The following CEP44 variants were observed in gnomAD, a reference collection of about 807,000 sequenced individuals.
The protein encoded by CEP44 is centrosomal protein of 44 kDa.
CEP44 carries 45 observed loss-of-function variants against 46.7 expected under a neutral mutation model. The ratio of observed to expected loss-of-function variants is 0.96; its 90% CI spans 0.76 to 1.24. The LOEUF is 1.24. CEP44 is among the 50% of genes most tolerant of loss of function. CEP44 has a pLI of 0.00. For synonymous variants in CEP44, 142 were observed against 146.0 expected (o/e 0.97, Z 0.20); for missense variants, 475 against 459.7 (o/e 1.03, Z -0.30).
At chr4:174,305,187 C>T (rs1740239625) in intron 6 of CEP44, among the ~76,000 whole-genome samples, 1 of 152,204 alleles carries the variant, frequency 6.6e-6, no homozygotes, top group Non-Finnish European at 1.5e-5. Flanking sequence ...AGCACAGTAG[C>T]TCATGCCTGT....
At chr4:174,316,386 G>A (rs1444820800) in intron 10 of CEP44, 96 bp downstream of exon 10, 149 of 1,397,908 alleles carry the variant, frequency 1.1e-4, no homozygotes, top group South Asian at 2.4e-5. Context: ...AATAGCAAAC[G>A]CGAATCTTAG....
Position 174,311,547 on chromosome 4 carries a change from T to C in CEP44, c.961+689T>C, listed in dbSNP as rs1334387354. Among the ~76,000 whole-genome samples the C allele has an allele frequency of 6.6e-6, 1 of 152,134 alleles. No homozygotes were observed. Among genetic ancestry groups the C allele is most frequent in the East Asian group, 1.9e-4 (1 of 5,192 alleles). On this transcript the variant is annotated intron_variant, in intron 9 of 11. Coordinates refer to ENST00000503780, the MANE Select transcript of CEP44 (RefSeq NM_001040157.3). This position sits in a 1 kb window ranked among gnomAD's most constrained non-coding sequence, Gnocchi z 4.4. ...TTAAATTTTTAATATCTGTGGATTG[T>C]TAACGTTATAAAATCTTTCAGCTCT...
intron 9 of CEP44, among the ~76,000 whole-genome samples, chr4:174,315,373 A>G (rs1741551199): frequency 6.6e-6 from 1 of 151,982 alleles, no homozygotes; most frequent in Admixed American, 6.6e-5. Context: ...TCAAATTAAT[A>G]TTATCAGGAT....
downstream of CEP44, among the ~76,000 whole-genome samples, chr4:174,322,433 A>ATT (rs1579172133): frequency 3.3e-5 from 5 of 152,004 alleles, no homozygotes; most frequent in East Asian, 5.8e-4. Flanking sequence ...ATTAAACATA[A>ATT]CTCCCTCCAA....
In CEP44 at chr4:174,299,167, G is replaced by A; in HGVS notation, c.46G>A (p.Val16Met). The A allele has an allele frequency of 6.2e-7, 1 of 1,613,782 alleles. No homozygotes were observed. The highest frequency in any genetic ancestry group is 1.1e-5 in the South Asian group (1 of 91,062). Residue 16 changes from valine to methionine, a missense_variant, in exon 3 of 12, where the codon GTG becomes ATG. Coordinates refer to ENST00000503780, the MANE Select transcript of CEP44 (RefSeq NM_001040157.3). ...LKRSLRNLEQ[V>M]LRLLNYPEEV... The stretch of plus-strand genomic sequence containing the variant: ...AAGAAGCTTACGGAACCTAGAACAG[G>A]TGCTCCGCTTGCTAAATTATCCTGA...
Position 174,317,953 on chromosome 4 carries a change from G to T in CEP44, c.*570G>T. On this transcript the variant is annotated 3_prime_UTR_variant, in exon 12 of 12. Coordinates refer to ENST00000503780, the MANE Select transcript of CEP44 (RefSeq NM_001040157.3). ...AAATTAAGGTTAAGATTCTCCTTTT[G>T]TACTGGGAAACAGGCTGGAGGACTA... is the stretch of plus-strand genomic sequence containing the variant. 1 of 985,324 alleles carries T rather than the reference G, an allele frequency of 1.0e-6. No individual in the cohort carries two copies. Among genetic ancestry groups the T allele is most frequent in the Non-Finnish European group, 1.2e-6 (1 of 829,872 alleles). 61.0% of individuals were successfully genotyped at this position (985,324 alleles called of 1,614,324 possible).
chr4:174,314,907 G>A lies in CEP44; in HGVS notation c.962-1259G>A, dbSNP rs1741485259. Among the ~76,000 whole-genome samples, 1 of 152,182 alleles carries A rather than the reference G, an allele frequency of 6.6e-6. No individual in the cohort carries two copies. On this transcript the variant is annotated intron_variant, in intron 9 of 11. Coordinates refer to ENST00000503780, the MANE Select transcript of CEP44 (RefSeq NM_001040157.3). The surrounding 1 kb of genome is among the most constrained non-coding windows in gnomAD (Gnocchi z 4.1). ...AGAGAATTCCAGTTCAAAGTGTGAT[G>A]AGTCAAATTACATTCTCTCTCTTAG...
intron 6 of CEP44, 84 bp from the exon 7 acceptor site, chr4:174,308,605 G>C: frequency 1.5e-6 from 2 of 1,325,316 alleles, no homozygotes; most frequent in Non-Finnish European, 2.1e-6. Flanking sequence ...ACCTGCACAT[G>C]GACCCCTGAA....
At chr4:174,294,781 C>G (rs551850499) in intron 1 of CEP44, among the ~76,000 whole-genome samples, 2 of 140,098 alleles carry the variant, frequency 1.4e-5, no homozygotes, top group African/African-American at 2.6e-5. Context: ...CCCTCCCGGA[C>G]GGTGCGGCTG....
downstream of CEP44, among the ~76,000 whole-genome samples, chr4:174,321,593 T>G (rs7693479): frequency 0.011 from 1,617 of 152,250 alleles, 27 homozygotes; most frequent in African/African-American, 0.037. Flanking sequence ...TTTTTTACTT[T>G]TAATTATGTT....
chr4:174,317,946 T>C lies in CEP44; in HGVS notation c.*563T>C. On this transcript the variant is annotated 3_prime_UTR_variant, in exon 12 of 12. Coordinates refer to ENST00000503780, the MANE Select transcript of CEP44 (RefSeq NM_001040157.3). ...CACTGAGAAATTAAGGTTAAGATTCTCCTTTTGTACTGGGAAACAGGCTGG... is the reference window on the plus strand; with the variant it reads ...CACTGAGAAATTAAGGTTAAGATTCCCCTTTTGTACTGGGAAACAGGCTGG... 1 of 985,420 alleles carries C rather than the reference T, an allele frequency of 1.0e-6. No individual in the cohort carries two copies. Among genetic ancestry groups the C allele is most frequent in the African/African-American group, 1.7e-5 (1 of 57,362 alleles). The allele number at this position is 985,420 out of a possible 1,614,324, so 61.0% of individuals were successfully genotyped here.
chr4:174,319,748 A>G lies in CEP44; in HGVS notation c.*2365A>G, dbSNP rs1742133946. 25 of 912,750 alleles carry G rather than the reference A, an allele frequency of 2.7e-5. No homozygotes were observed. The highest frequency in any genetic ancestry group is 3.3e-5 in the Non-Finnish European group (25 of 763,330). 56.5% of individuals were successfully genotyped at this position (912,750 alleles called of 1,614,324 possible). ...AATAGGGACTAAAAATCAACTCAAT[A>G]TATCATACATTTACACTTACAAAGA... On this transcript the variant is annotated 3_prime_UTR_variant, in exon 12 of 12. Transcript: ENST00000503780.
Position 174,320,078 on chromosome 4 carries a change from G to C in CEP44, c.*2695G>C, listed in dbSNP as rs1742172375. On this transcript the variant is annotated 3_prime_UTR_variant, in exon 12 of 12. Transcript: ENST00000503780. ...ACCAACAAAGGTGTCAGTTGCTTGT[G>C]CTGCCCTGTCTATGTTATGCTCTGA... 2.0e-6 allele frequency: 2 copies of C among 984,976 alleles called. No homozygotes were observed. The highest frequency in any genetic ancestry group is 6.2e-5 in the Admixed American group (1 of 16,226). The allele number at this position is 984,976 out of a possible 1,614,324, so 61.0% of individuals were successfully genotyped here.
chr4:174,306,443 A>G (rs1353048548), intron 6 of CEP44, among the ~76,000 whole-genome samples: 6 of 152,250 alleles, frequency 3.9e-5, no homozygotes, highest in East Asian at 3.9e-4. Flanking sequence ...AGTTTCAGCA[A>G]TTTATCAACT....
intron 3 of CEP44, among the ~76,000 whole-genome samples, chr4:174,300,242 G>C (rs1046266111): frequency 6.6e-6 from 1 of 152,142 alleles, no homozygotes; most frequent in Non-Finnish European, 1.5e-5. Flanking sequence ...TCAAGAGAAG[G>C]CTGAAAGTGA....
rs1345814952 is a variant in CEP44, at chr4:174,319,302, G to A, written c.*1919G>A. ...GAGGTTAAGAGGTTATAGTTATAAGGGAAAAAACTTCTGTATCGATTAACT... is the reference window on the plus strand; with the variant it reads ...GAGGTTAAGAGGTTATAGTTATAAGAGAAAAAACTTCTGTATCGATTAACT... On this transcript the variant is annotated 3_prime_UTR_variant, in exon 12 of 12. Transcript: ENST00000503780. 5.1e-6 allele frequency: 5 copies of A among 978,174 alleles called. No homozygotes were observed. The highest frequency in any genetic ancestry group is 1.8e-5 in the African/African-American group (1 of 57,032). 60.6% of individuals were successfully genotyped at this position (978,174 alleles called of 1,614,324 possible). A position where few individuals can be genotyped will look rare whatever the true frequency, so the allele number is the denominator to read the frequency against.
At position 174,304,326 on chromosome 4, in the gene CEP44, C is replaced by A. The variant is rs1678174931; in HGVS notation, c.464C>A (p.Ala155Asp). The A allele has an allele frequency of 2.5e-6, 4 of 1,611,754 alleles. No homozygotes were observed. The highest frequency in any genetic ancestry group is 3.4e-6 in the Non-Finnish European group (4 of 1,179,372). Residue 155 changes from alanine to aspartate, a missense_variant, in exon 6 of 12, where the codon GCT becomes GAT. By Grantham distance (126) the Ala-to-Asp change is moderately radical. Coordinates refer to ENST00000503780, the MANE Select transcript of CEP44 (RefSeq NM_001040157.3). ...GGCAATGAGAAAATATCTGCAGAGG[C>A]TGTTGGCGTTGATATCAGTGGCAGG... ...PLGNEKISAE[A>D]VGVDISGRFM... is the part of the protein sequence containing the mutation.
At position 174,310,893 on chromosome 4, in the gene CEP44, G is replaced by T; in HGVS notation, c.961+35G>T. 1.1e-6 allele frequency: 1 copy of T among 911,474 alleles called. No individual in the cohort carries two copies. The allele number at this position is 911,474 out of a possible 1,614,324, so 56.5% of individuals were successfully genotyped here. On this transcript the variant is annotated intron_variant, in intron 9 of 11. Coordinates refer to ENST00000503780, the MANE Select transcript of CEP44 (RefSeq NM_001040157.3). This position sits in a 1 kb window ranked among gnomAD's most constrained non-coding sequence, Gnocchi z 4.2. ...TAAATACTATGAGAATTGGTATGAT[G>T]AGTTTTCAGAAAAATGATTGTTATA...
Position 174,309,936 on chromosome 4 carries a change from G to T in CEP44, c.765G>T (p.Glu255Asp). Residue 255 changes from glutamate (E) to aspartate (D), a missense_variant, in exon 8 of 12, where the codon GAG becomes GAT. Transcript: ENST00000503780. The surrounding 1 kb of genome is among the most constrained non-coding windows in gnomAD (Gnocchi z 5.3). ...QENLKKLTSI[E>D]KRLDCLEQKM... ...ATCTTAAGAAACTGACTTCGATAGA[G>T]AAAAGGTTAGACTGTTTGGAACAAA... 1 of 1,612,720 alleles carries T rather than the reference G, an allele frequency of 6.2e-7. No homozygotes were observed. Among genetic ancestry groups the T allele is most frequent in the Non-Finnish European group, 8.5e-7 (1 of 1,179,160 alleles).
Sources: allele counts gnomAD v4.1 joint callset (sites outside exome capture counted in the v4.1 genomes callset), GRCh38; gene constraint gnomAD v4.1.1; non-coding constraint Gnocchi (gnomAD v3.1); transcripts MANE v1.5; gene names NCBI Gene and HGNC (gene_info 2026-07-23, HGNC 2026-07-21).